CSMD1: variants seen among roughly 807,000 people sequenced by gnomAD.
CSMD1 encodes CUB and sushi domain-containing protein 1.
A neutral mutation model predicts 417.5 loss-of-function variants in CSMD1; 213 were observed. The ratio of observed to expected loss-of-function variants is 0.51; its 90% confidence interval spans 0.46 to 0.57. The LOEUF is 0.57. Among genes scored for constraint, CSMD1 ranks in the 20% least tolerant of loss-of-function variants. The probability of loss-of-function intolerance (pLI) is 0.00; values close to 1 mark genes in which losing one functional copy is unlikely to be tolerated. For missense variants in CSMD1, 6,923 were observed against 4,529.7 expected (o/e 1.53, Z -15.17); for synonymous variants, 2,862 against 1,736.8 (o/e 1.65, Z -16.11).
intron 3 of CSMD1, among the ~76,000 whole-genome samples, chr8:4,325,918 A>G (rs944498736): frequency 2.6e-5 from 4 of 152,160 alleles, no homozygotes; most frequent in East Asian, 1.9e-4. Flanking sequence ...GCAGATTTAC[A>G]TGCTGGCTGG....
intron 5 of CSMD1, among the ~76,000 whole-genome samples, chr8:3,976,102 C>G (rs929204373): frequency 1.3e-5 from 2 of 151,650 alleles, no homozygotes; most frequent in African/African-American, 2.4e-5. Flanking sequence ...TTGTAAGAAT[C>G]TAATAGAGAA....
chr8:3,747,264 T>C (rs575939422), intron 6 of CSMD1, among the ~76,000 whole-genome samples: 27 of 152,318 alleles, frequency 1.8e-4, no homozygotes, highest in African/African-American at 6.5e-4. Context: ...TGCCATCCAA[T>C]AACCCCATGC....
intron 52 of CSMD1, among the ~76,000 whole-genome samples, chr8:3,004,222 T>C (rs1807677314): frequency 6.6e-6 from 1 of 152,224 alleles, no homozygotes; most frequent in Non-Finnish European, 1.5e-5. Context: ...AGGCTGTGAT[T>C]TGTCTTGATT....
At chr8:4,458,014 A>T (rs993523877) in intron 2 of CSMD1, among the ~76,000 whole-genome samples, 5 of 152,148 alleles carry the variant, frequency 3.3e-5, no homozygotes, top group African/African-American at 9.7e-5. Context: ...ACTTCTCCCT[A>T]TATCCGGTAT....
intron 11 of CSMD1, among the ~76,000 whole-genome samples, chr8:3,490,282 A>C (rs1818294120): frequency 6.6e-6 from 1 of 152,198 alleles, no homozygotes; most frequent in African/African-American, 2.4e-5. Flanking sequence ...TTACAGATTC[A>C]AGCTATTGAG....
At chr8:4,351,214 G>A (rs570925089) in intron 3 of CSMD1, among the ~76,000 whole-genome samples, 18 of 152,050 alleles carry the variant, frequency 1.2e-4, no homozygotes, top group African/African-American at 4.3e-4. Context: ...AATGTACCAA[G>A]TTTCACCTGA....
Position 4,110,085 on chromosome 8 carries a change from G to A in CSMD1, c.416-77986C>T, listed in dbSNP as rs185936087. Among the ~76,000 whole-genome samples the A allele has an allele frequency of 2.7e-3, 410 of 152,230 alleles. 2 individuals carry two copies. The highest frequency in any genetic ancestry group is 4.4e-3 in the South Asian group (21 of 4,826). Reference sequence around the variant, plus strand: ...ACCCAATGATCACGTGGAATAATAAGCTTTCCTCCAGCATGGAAATAACGG... The same window carrying A: ...ACCCAATGATCACGTGGAATAATAAACTTTCCTCCAGCATGGAAATAACGG... On this transcript the variant is annotated intron_variant, in intron 3 of 69. Coordinates refer to ENST00000635120, the MANE Select transcript of CSMD1 (RefSeq NM_033225.6).
chr8:3,735,704 C>A (rs563168909), intron 6 of CSMD1, among the ~76,000 whole-genome samples: 95 of 152,290 alleles, frequency 6.2e-4, no homozygotes, highest in Non-Finnish European at 1.2e-3. Context: ...GGATTAAATT[C>A]ATGGACAACA....
At position 3,396,190 on chromosome 8, in the gene CSMD1, T is replaced by A; in HGVS notation, c.2593+4A>T. On this transcript the variant is annotated splice_donor_region_variant and intron_variant, in intron 17 of 69. Transcript: ENST00000635120. ...CCGGGCTGTCAAGGGAAGGTGCAAC[T>A]CACTCTCATAGTGGATGAGGAAGCC... 6.4e-7 allele frequency: 1 copy of A among 1,556,440 alleles called. No homozygotes were observed. The highest frequency in any genetic ancestry group is 8.7e-7 in the Non-Finnish European group (1 of 1,150,170).
At chr8:4,413,500 C>T (rs1008473959) in intron 3 of CSMD1, among the ~76,000 whole-genome samples, 1 of 152,172 alleles carries the variant, frequency 6.6e-6, no homozygotes. Context: ...TATATCTCTG[C>T]TATATCCCTA....
At chr8:4,023,819 A>G (rs1299491197) in intron 4 of CSMD1, among the ~76,000 whole-genome samples, 1 of 116,472 alleles carries the variant, frequency 8.6e-6, no homozygotes, top group African/African-American at 3.4e-5. Flanking sequence ...GGGTTTCAGC[A>G]TGTTAGCCAG....
chr8:3,355,760 A>G (rs1190196042), intron 21 of CSMD1, among the ~76,000 whole-genome samples: 1 of 152,182 alleles, frequency 6.6e-6, no homozygotes, highest in Non-Finnish European at 1.5e-5. Flanking sequence ...CTAGGTATGG[A>G]CTTTACATCA....
intron 49 of CSMD1, among the ~76,000 whole-genome samples, chr8:3,066,544 A>G (rs1812948376): frequency 1.3e-5 from 2 of 152,234 alleles, no homozygotes; most frequent in Admixed American, 1.3e-4. Context: ...TTCTTGAGTA[A>G]TCATGGCTTC....
intron 3 of CSMD1, among the ~76,000 whole-genome samples, chr8:4,286,555 AT>A (rs1797066334): frequency 6.6e-6 from 1 of 152,136 alleles, no homozygotes; most frequent in South Asian, 2.1e-4. Context: ...GAACATGGGC[AT>A]GATCACGAGG....
chr8:3,664,972 C>G (rs898358444), intron 7 of CSMD1, among the ~76,000 whole-genome samples: 1 of 151,990 alleles, frequency 6.6e-6, no homozygotes, highest in African/African-American at 2.4e-5. Flanking sequence ...TTAAAAGTGA[C>G]TTTCCTATTT....
At chr8:4,199,977 A>T (rs75449324) in intron 3 of CSMD1, among the ~76,000 whole-genome samples, 2,358 of 152,288 alleles carry the variant, frequency 0.015, 53 homozygotes, top group African/African-American at 0.053. Context: ...TGAAATAAAT[A>T]ATGGTGACTA....
chr8:4,424,987 A>T (rs746231129), intron 2 of CSMD1, among the ~76,000 whole-genome samples: 5 of 152,118 alleles, frequency 3.3e-5, no homozygotes, highest in Admixed American at 6.6e-5. Flanking sequence ...CTAGTAACCA[A>T]AATAATGCTA....
chr8:3,629,753 A>G (rs1190228063), intron 7 of CSMD1, among the ~76,000 whole-genome samples: 1 of 152,182 alleles, frequency 6.6e-6, no homozygotes, highest in Admixed American at 6.5e-5. Flanking sequence ...AAAGAAACAC[A>G]CACCTTTCAT....
At chr8:3,812,989 C>A (rs55959080) in intron 5 of CSMD1, among the ~76,000 whole-genome samples, 1 of 151,780 alleles carries the variant, frequency 6.6e-6, no homozygotes, top group African/African-American at 2.4e-5. Flanking sequence ...GGGAGGAAAT[C>A]TGGAATTAAC....
Sources: allele counts gnomAD v4.1 joint callset (sites outside exome capture counted in the v4.1 genomes callset), GRCh38; gene constraint gnomAD v4.1.1; transcripts MANE v1.5; gene names NCBI Gene and HGNC (gene_info 2026-07-23, HGNC 2026-07-21).